Variants in SPATC1 observed in about 807,000 individuals in gnomAD.
SPATC1 encodes the protein speriolin.
In SPATC1, 35 loss-of-function variants were observed where a neutral mutation model predicts 36.5. That is an observed-to-expected ratio of 0.96 (90% confidence interval 0.73 to 1.27). The LOEUF is 1.27. Among genes scored for constraint, SPATC1 ranks in the 50% most tolerant of loss-of-function variants. SPATC1 has a pLI of 0.00. For synonymous variants in SPATC1, 361 were observed against 353.6 expected (o/e 1.02, Z -0.24); for missense variants, 779 against 796.0 (o/e 0.98, Z 0.26).
intron 1 of SPATC1, among the ~76,000 whole-genome samples, chr8:144,034,166 C>T (rs1193346382): frequency 2.0e-5 from 3 of 152,182 alleles, no homozygotes; most frequent in Non-Finnish European, 4.4e-5. Context: ...CAGGAGGGCT[C>T]CTGGGGAGGC....
chr8:144,046,859 A>G lies in SPATC1; in HGVS notation c.1679A>G (p.Glu560Gly). The G allele has an allele frequency of 3.7e-6, 6 of 1,601,434 alleles. No individual in the cohort carries two copies. Among genetic ancestry groups the G allele is most frequent in the Non-Finnish European group, 5.1e-6 (6 of 1,179,804 alleles). ...TVDFLQRVVV[E>G]TVHPGMLADA... ...GACTTCCTGCAGCGTGTGGTGGTGGAGACCGTGCACCCCGGCATGCTCGCC... is the reference window on the plus strand; with the variant it reads ...GACTTCCTGCAGCGTGTGGTGGTGGGGACCGTGCACCCCGGCATGCTCGCC... Residue 560 changes from glutamate (E) to glycine (G), a missense_variant, in exon 5 of 5, where the codon GAG becomes GGG. By Grantham distance (98) the Glu-to-Gly change is moderately conservative. Transcript: ENST00000377470. The surrounding 1 kb of genome is among the most constrained non-coding windows in gnomAD (Gnocchi z 6.6).
At chr8:144,042,300 TATATATATATA>T (rs1304046071) in intron 4 of SPATC1, among the ~76,000 whole-genome samples, 7 of 64,052 alleles carry the variant, frequency 1.1e-4, no homozygotes, top group Admixed American at 4.7e-4. Flanking sequence ...TATATATATA[TATATATATATA>T]TTTTTTTTTT....
In SPATC1 at chr8:144,040,591, C is replaced by G. The variant is rs782568671; in HGVS notation, c.790C>G (p.Gln264Glu). Residue 264 changes from glutamine (Q) to glutamate (E), a missense_variant, in exon 3 of 5, where the codon CAG (glutamine) becomes GAG (glutamate). Physicochemically the swap from Gln to Glu is conservative, Grantham distance 29. Transcript: ENST00000377470. The stretch of plus-strand genomic sequence containing the variant: ...AGTCCCACTCTCCACTGAGCCCCCC[C>G]AGTCGACCCAGGACCCAGAGCCTCT... ...TKVPLSTEPP[Q>E]STQDPEPLSM... is the part of the protein sequence containing the mutation. 5 of 1,599,372 alleles carry G rather than the reference C, an allele frequency of 3.1e-6. No homozygotes were observed. In the South Asian group the frequency reaches 4.5e-5, roughly 14 times the overall value.
At position 144,016,218 on chromosome 8, in the gene SPATC1, T is replaced by C. The variant is rs1834390149; in HGVS notation, c.211+3492T>C. On this transcript the variant is annotated intron_variant, in intron 1 of 4. Coordinates refer to ENST00000377470, the MANE Select transcript of SPATC1 (RefSeq NM_198572.3). The surrounding 1 kb of genome is among the most constrained non-coding windows in gnomAD (Gnocchi z 4.5). ...TTGCAGTGAGCCTAGACTACGCCATTGCACTCCAGCCTGAGCAACAAGAGC... is the reference window on the plus strand; with the variant it reads ...TTGCAGTGAGCCTAGACTACGCCATCGCACTCCAGCCTGAGCAACAAGAGC... Among the ~76,000 whole-genome samples the C allele has an allele frequency of 6.6e-6, 1 of 152,122 alleles. No homozygotes were observed. Among genetic ancestry groups the C allele is most frequent in the Non-Finnish European group, 1.5e-5 (1 of 68,018 alleles).
rs782332850 is a variant in SPATC1 at position 144,041,320 on chromosome 8, C to T, written c.1395C>T (p.Arg465=). Residue 465 remains arginine (R), a synonymous_variant, in exon 4 of 5, where the codon CGC becomes CGT. Coordinates refer to ENST00000377470, the MANE Select transcript of SPATC1 (RefSeq NM_198572.3). ...RRILSSIFPE[R]VRLYGFTVSN... Reference sequence around the variant, plus strand: ...TCCTGTCCAGCATCTTCCCAGAGCGCGTACGGCTCTACGGCTTCACTGTCT... The same window carrying T: ...TCCTGTCCAGCATCTTCCCAGAGCGTGTACGGCTCTACGGCTTCACTGTCT... 14 of 1,612,806 alleles carry T rather than the reference C, an allele frequency of 8.7e-6. No homozygotes were observed. The highest frequency in any genetic ancestry group is 6.7e-5 in the East Asian group (3 of 44,900).
At chr8:144,030,452 G>A (rs1238885987) in intron 1 of SPATC1, among the ~76,000 whole-genome samples, 1 of 152,186 alleles carries the variant, frequency 6.6e-6, no homozygotes, top group African/African-American at 2.4e-5. Flanking sequence ...TCCGCCTCCT[G>A]GGTTCAAGCA....
At position 144,040,124 on chromosome 8, in the gene SPATC1, AG is replaced by A. The variant is rs782158090; in HGVS notation, c.428del (p.Ser143IlefsTer7). On this transcript the variant is annotated frameshift_variant, in exon 2 of 5. Transcript: ENST00000377470. LOFTEE classifies it high-confidence loss of function. ...QSSPLTSFLT[S>X]PIAGPLTGTL... ...CAGCCCCCTCACCAGCTTCCTGACC[AG>A]TCCCATTGCGGGACCCCTAACAGGC... 1 of 1,610,238 alleles carries A rather than the reference AG, an allele frequency of 6.2e-7. No individual in the cohort carries two copies. Among genetic ancestry groups the A allele is most frequent in the African/African-American group, 1.3e-5 (1 of 74,952 alleles).
intron 1 of SPATC1, 132 bp from the exon 2 acceptor site, chr8:144,039,777 C>G (rs1272551762): frequency 3.2e-6 from 3 of 941,196 alleles, no homozygotes; most frequent in Non-Finnish European, 4.8e-6. Flanking sequence ...GAGACCAGGT[C>G]GGACCAGTCA....
Position 144,016,214 on chromosome 8 carries a change from C to T in SPATC1, c.211+3488C>T, listed in dbSNP as rs1448390697. Among the ~76,000 whole-genome samples the T allele has an allele frequency of 6.6e-6, 1 of 152,106 alleles. No individual in the cohort carries two copies. Among genetic ancestry groups the T allele is most frequent in the Non-Finnish European group, 1.5e-5 (1 of 68,006 alleles). On this transcript the variant is annotated intron_variant, in intron 1 of 4. Transcript: ENST00000377470. This position sits in a 1 kb window ranked among gnomAD's most constrained non-coding sequence, Gnocchi z 4.5. ...GAGGTTGCAGTGAGCCTAGACTACG[C>T]CATTGCACTCCAGCCTGAGCAACAA...
intron 4 of SPATC1, among the ~76,000 whole-genome samples, chr8:144,042,311 A>ATATTTTTTTTTT (rs1412021347): frequency 2.1e-4 from 5 of 23,884 alleles, no homozygotes; most frequent in Non-Finnish European, 1.9e-4. Context: ...ATATATATAT[A>ATATTTTTTTTTT]TTTTTTTTTT....
At chr8:144,038,144 G>T (rs1554755137) in intron 1 of SPATC1, among the ~76,000 whole-genome samples, 2 of 137,218 alleles carry the variant, frequency 1.5e-5, no homozygotes, top group African/African-American at 5.4e-5. Flanking sequence ...AAAAAAAATT[G>T]ATTTTTACAG....
At chr8:144,028,004 T>C (rs1430155109) in intron 1 of SPATC1, among the ~76,000 whole-genome samples, 1 of 151,554 alleles carries the variant, frequency 6.6e-6, no homozygotes, top group East Asian at 1.9e-4. Flanking sequence ...AAAAAAAAGA[T>C]TATTTTATCA....
At position 144,012,744 on chromosome 8, in the gene SPATC1, C is replaced by T; in HGVS notation, c.211+18C>T. 6.4e-7 allele frequency: 1 copy of T among 1,551,354 alleles called. No homozygotes were observed. The highest frequency in any genetic ancestry group is 1.2e-5 in the South Asian group (1 of 84,054). On this transcript the variant is annotated intron_variant, in intron 1 of 4. Coordinates refer to ENST00000377470, the MANE Select transcript of SPATC1 (RefSeq NM_198572.3). ...GAACAATGGTAAGAGGCCTCGCTCC[C>T]AAGAGAGTGAGGAGGGAAGTGGGGA... is the stretch of plus-strand genomic sequence containing the variant.
Position 144,045,308 on chromosome 8 carries a change from C to A in SPATC1, c.1447-1319C>A, listed in dbSNP as rs552929437. Among the ~76,000 whole-genome samples the A allele has an allele frequency of 3.3e-5, 5 of 152,232 alleles. No homozygotes were observed. The highest frequency in any genetic ancestry group is 9.6e-5 in the African/African-American group (4 of 41,452). ...GGGAGAGACAGGCGCATCCCAGGCA[C>A]GTCCCAGGCAACAGGGGTGCTGAGC... On this transcript the variant is annotated intron_variant, in intron 4 of 4. Coordinates refer to ENST00000377470, the MANE Select transcript of SPATC1 (RefSeq NM_198572.3). This position sits in a 1 kb window ranked among gnomAD's most constrained non-coding sequence, Gnocchi z 5.2.
chr8:144,046,395 G>A lies in SPATC1; in HGVS notation c.1447-232G>A, dbSNP rs1554756747. On this transcript the variant is annotated intron_variant, in intron 4 of 4. Coordinates refer to ENST00000377470, the MANE Select transcript of SPATC1 (RefSeq NM_198572.3). The surrounding 1 kb of genome is among the most constrained non-coding windows in gnomAD (Gnocchi z 6.6). ...CCACCCTGTGGCTGAGGCCCTACTG[G>A]GGAGCTTTGAGAGCCACCTGCCCTG... Among the ~76,000 whole-genome samples the A allele has an allele frequency of 6.6e-6, 1 of 152,148 alleles. No individual in the cohort carries two copies.
intron 1 of SPATC1, among the ~76,000 whole-genome samples, chr8:144,024,368 AAG>A: frequency 1.2e-5 from 1 of 85,638 alleles, no homozygotes; most frequent in Middle Eastern, 0.011. Flanking sequence ...CCTCTCCCCA[AAG>A]GACCCCCTTC....
intron 4 of SPATC1, among the ~76,000 whole-genome samples, chr8:144,042,267 C>T (rs1401078501): frequency 7.7e-6 from 1 of 130,602 alleles, no homozygotes; most frequent in South Asian, 2.4e-4. Context: ...CACAGGTTTA[C>T]GCCACCACGC....
chr8:144,026,018 A>G (rs1002111021), intron 1 of SPATC1, among the ~76,000 whole-genome samples: 7 of 152,276 alleles, frequency 4.6e-5, no homozygotes, highest in Admixed American at 2.0e-4. Flanking sequence ...TACAAACATT[A>G]CCACAATCAA....
chr8:144,033,981 T>C (rs1834849185), intron 1 of SPATC1, among the ~76,000 whole-genome samples: 1 of 152,126 alleles, frequency 6.6e-6, no homozygotes, highest in Admixed American at 6.5e-5. Flanking sequence ...AGAGCTGAGG[T>C]TGCATTCGTG....
Sources: allele counts gnomAD v4.1 joint callset (sites outside exome capture counted in the v4.1 genomes callset), GRCh38; gene constraint gnomAD v4.1.1; non-coding constraint Gnocchi (gnomAD v3.1); transcripts MANE v1.5; gene names NCBI Gene and HGNC (gene_info 2026-07-23, HGNC 2026-07-21).